KCNJ6: variants seen among roughly 807,000 people sequenced by gnomAD.
KCNJ6 encodes the protein potassium inwardly rectifying channel subfamily J member 6.
KCNJ6 carries 9 observed loss-of-function variants against 34.2 expected under a neutral mutation model. That is an observed-to-expected ratio of 0.26 (90% confidence interval 0.16 to 0.46). KCNJ6 has a LOEUF of 0.46. Ranked by LOEUF, KCNJ6 falls within the 20% of genes least tolerant of loss-of-function variation. The pLI is 1.00. For missense variants in KCNJ6, 236 were observed against 531.3 expected, an observed-to-expected ratio of 0.44 and a Z score of 5.46; for synonymous variants, 196 against 207.1, an observed-to-expected ratio of 0.95 and a Z score of 0.46.
intron 2 of KCNJ6, among the ~76,000 whole-genome samples, chr21:37,831,380 G>A (rs2055425134): frequency 1.3e-5 from 2 of 152,172 alleles, no homozygotes; most frequent in African/African-American, 4.8e-5. Context: ...AAGCATAAAC[G>A]AAGTTTCTGC....
At chr21:37,901,001 C>G (rs1436269309) in intron 1 of KCNJ6, among the ~76,000 whole-genome samples, 1 of 147,974 alleles carries the variant, frequency 6.8e-6, no homozygotes, top group African/African-American at 2.5e-5. Context: ...TTCTCCCCCA[C>G]TTCTGCCTCC....
intron 3 of KCNJ6, among the ~76,000 whole-genome samples, chr21:37,706,780 G>A (rs1366346608): frequency 6.6e-6 from 1 of 152,172 alleles, no homozygotes; most frequent in Non-Finnish European, 1.5e-5. Flanking sequence ...GTATCTATAA[G>A]AACTAACCAT....
At chr21:37,712,627 T>C (rs1214631266) in intron 3 of KCNJ6, among the ~76,000 whole-genome samples, 8 of 43,814 alleles carry the variant, frequency 1.8e-4, no homozygotes, top group Admixed American at 4.6e-4. Context: ...CTCCCTCCTC[T>C]TCCCTCCCTC....
In KCNJ6 at chr21:37,695,626, T is replaced by C. The variant is rs1250479524; in HGVS notation, c.946+18585A>G. On this transcript the variant is annotated intron_variant, in intron 3 of 3. Coordinates refer to ENST00000609713, the MANE Select transcript of KCNJ6 (RefSeq NM_002240.5). The surrounding 1 kb of genome is among the most constrained non-coding windows in gnomAD (Gnocchi z 4.2). ...AGCTTGGGATTTCTCCCTGACAGTT[T>C]CTGGAAGGCAGTGTTTTTGAGCTAT... is the stretch of plus-strand genomic sequence containing the variant. 1.3e-5 allele frequency among the ~76,000 whole-genome samples: 2 copies of C among 152,172 alleles called. No homozygotes were observed. The highest frequency in any genetic ancestry group is 2.9e-5 in the Non-Finnish European group (2 of 68,022).
chr21:37,886,484 G>T (rs551307736), intron 1 of KCNJ6, among the ~76,000 whole-genome samples: 1 of 152,160 alleles, frequency 6.6e-6, no homozygotes, highest in Non-Finnish European at 1.5e-5. Flanking sequence ...GCTCCTTAAA[G>T]AATCTCATGT....
Position 37,617,096 on chromosome 21 carries a change from T to TC in KCNJ6, c.*8062_*8063insG, listed in dbSNP as rs2054273749. The stretch of plus-strand genomic sequence containing the variant: ...TCTTTTCTTTCTTTTTCTTTCTTTC[T>TC]TTTCTTTCTTTCTTTCCTTCTTCCT... On this transcript the variant is annotated 3_prime_UTR_variant, in exon 4 of 4. Transcript: ENST00000609713. 1 of 47,598 alleles carries TC rather than the reference T, an allele frequency of 2.1e-5. No individual in the cohort carries two copies. Among genetic ancestry groups the TC allele is most frequent in the Non-Finnish European group, 4.1e-5 (1 of 24,454 alleles). The allele number at this position is 47,598 out of a possible 1,614,324, so 2.9% of individuals were successfully genotyped here. A position where few individuals can be genotyped will look rare whatever the true frequency, so the allele number is the denominator to read the frequency against.
At chr21:37,684,942 CATAAA>C (rs1445091073) in intron 3 of KCNJ6, among the ~76,000 whole-genome samples, 2 of 152,060 alleles carry the variant, frequency 1.3e-5, no homozygotes, top group Non-Finnish European at 1.5e-5. Context: ...ACTTTCACTA[CATAAA>C]ATAAATATAT....
chr21:37,891,857 G>A (rs1443729997), intron 1 of KCNJ6, among the ~76,000 whole-genome samples: 1 of 152,134 alleles, frequency 6.6e-6, no homozygotes, highest in Non-Finnish European at 1.5e-5. Context: ...GCTGATGCTG[G>A]CGGCAGTTGT....
chr21:37,863,581 CA>C (rs2055605396), intron 1 of KCNJ6, among the ~76,000 whole-genome samples: 1 of 152,106 alleles, frequency 6.6e-6, no homozygotes, highest in Non-Finnish European at 1.5e-5. Flanking sequence ...TTGATATCTA[CA>C]ATCGTTTTTG....
At position 37,840,641 on chromosome 21, in the gene KCNJ6, A is replaced by C. The variant is rs778097538; in HGVS notation, c.25+17T>G. ...CATTCAAAACAAAAAATAAATAATA[A>C]ATTTGAAGCTACTCACTCATGGATT... On this transcript the variant is annotated intron_variant, in intron 2 of 3. Transcript: ENST00000609713. 6.3e-7 allele frequency: 1 copy of C among 1,580,144 alleles called. No individual in the cohort carries two copies. The highest frequency in any genetic ancestry group is 8.7e-7 in the Non-Finnish European group (1 of 1,154,832).
intron 1 of KCNJ6, among the ~76,000 whole-genome samples, chr21:37,842,520 C>T (rs1021323097): frequency 6.6e-6 from 1 of 152,224 alleles, no homozygotes; most frequent in African/African-American, 2.4e-5. Context: ...AATCAGCACG[C>T]TGCCTCTTAC....
At chr21:37,676,636 G>A (rs1198254329) in intron 3 of KCNJ6, among the ~76,000 whole-genome samples, 1 of 152,222 alleles carries the variant, frequency 6.6e-6, no homozygotes, top group Non-Finnish European at 1.5e-5. Context: ...AGCAAAACCA[G>A]GGGAAAGCAA....
intron 3 of KCNJ6, among the ~76,000 whole-genome samples, chr21:37,679,858 C>G (rs573201395): frequency 2.0e-5 from 3 of 152,356 alleles, no homozygotes; most frequent in Admixed American, 2.0e-4. Flanking sequence ...TTGGAAAAAT[C>G]TTCAACATTA....
chr21:37,859,891 G>A (rs1422102445), intron 1 of KCNJ6, among the ~76,000 whole-genome samples: 1 of 152,130 alleles, frequency 6.6e-6, no homozygotes, highest in Non-Finnish European at 1.5e-5. Flanking sequence ...CAACTCCTCT[G>A]AATTAATAGA....
At position 37,684,234 on chromosome 21, in the gene KCNJ6, C is replaced by T. The variant is rs190983581; in HGVS notation, c.946+29977G>A. On this transcript the variant is annotated intron_variant, in intron 3 of 3. Transcript: ENST00000609713. ...GGAGGTCTGGTCCAGGCCTCTCCCCCGGGTTATGGTAGTTGCTGGCGATCT... is the reference window on the plus strand; with the variant it reads ...GGAGGTCTGGTCCAGGCCTCTCCCCTGGGTTATGGTAGTTGCTGGCGATCT... Among the ~76,000 whole-genome samples the T allele has an allele frequency of 7.4e-4, 113 of 152,224 alleles. No homozygotes were observed. In the East Asian group the frequency reaches 0.019, roughly 25 times the overall value.
chr21:37,876,132 C>G (rs1436287747), intron 1 of KCNJ6, among the ~76,000 whole-genome samples: 1 of 152,164 alleles, frequency 6.6e-6, no homozygotes, highest in Non-Finnish European at 1.5e-5. Flanking sequence ...AGCATGGGGC[C>G]TTCTGAGCAT....
chr21:37,900,999 C>A (rs1427086991), intron 1 of KCNJ6, among the ~76,000 whole-genome samples: 2 of 150,004 alleles, frequency 1.3e-5, no homozygotes, highest in Non-Finnish European at 3.0e-5. Context: ...TATTCTCCCC[C>A]ACTTCTGCCT....
At chr21:37,742,009 G>C (rs1601448354) in intron 2 of KCNJ6, among the ~76,000 whole-genome samples, 1 of 152,328 alleles carries the variant, frequency 6.6e-6, no homozygotes, top group African/African-American at 2.4e-5. Context: ...GAGTGAGAAA[G>C]CTTCATGTTG....
chr21:37,703,362 G>A (rs745945487), intron 3 of KCNJ6, among the ~76,000 whole-genome samples: 4 of 151,700 alleles, frequency 2.6e-5, no homozygotes, highest in Non-Finnish European at 5.9e-5. Context: ...AGAGGGAGAG[G>A]CCCAGGTATG....
Sources: gnomAD v4.1 joint callset for allele counts (sites outside exome capture counted in the v4.1 genomes callset) on GRCh38, gnomAD v4.1.1 for gene constraint, Gnocchi (gnomAD v3.1) non-coding constraint, MANE v1.5 for transcripts, NCBI Gene and HGNC (gene_info 2026-07-23, HGNC 2026-07-21) for gene names.